SEMA6D: variants seen among roughly 807,000 people sequenced by gnomAD.
SEMA6D encodes the protein semaphorin 6D, also known as semaphorin-6D.
Under a neutral mutation model 106.6 loss-of-function variants are expected in SEMA6D, and 35 were observed. The ratio of observed to expected loss-of-function variants is 0.33; its 90% CI spans 0.25 to 0.44. The LOEUF is 0.44. Ranked by LOEUF, SEMA6D falls within the 20% of genes least tolerant of loss-of-function variation. The pLI is 1.00. For synonymous variants in SEMA6D, 499 were observed against 487.7 expected (o/e 1.02, Z -0.31); for missense variants, 1,185 against 1,345.9 (o/e 0.88, Z 1.87).
chr15:47,281,832 C>G (rs937450380), intron 1 of SEMA6D, among the ~76,000 whole-genome samples: 2 of 152,108 alleles, frequency 1.3e-5, no homozygotes, highest in South Asian at 2.1e-4. Flanking sequence ...TATGCCCATT[C>G]TTATTATTTT....
chr15:47,195,113 A>C (rs1159128446), intron 1 of SEMA6D, among the ~76,000 whole-genome samples: 1 of 151,934 alleles, frequency 6.6e-6, no homozygotes, highest in African/African-American at 2.4e-5. Flanking sequence ...AAACTTAAAA[A>C]CTTGTTTAAT....
intron 3 of SEMA6D, among the ~76,000 whole-genome samples, chr15:47,575,636 T>C (rs1224499454): frequency 2.6e-5 from 4 of 152,114 alleles, no homozygotes; most frequent in Admixed American, 1.3e-4. Context: ...GGAGAATCGC[T>C]TCAACCCGAA....
intron 2 of SEMA6D, among the ~76,000 whole-genome samples, chr15:47,417,413 ATGTGTG>A (rs34541759): frequency 1.2e-4 from 18 of 146,656 alleles, no homozygotes; most frequent in East Asian, 4.0e-4. Context: ...GTGTGTGTAT[ATGTGTG>A]TGTGTGTGTG....
chr15:47,722,538 A>T (rs1190493243), intron 1 of SEMA6D, among the ~76,000 whole-genome samples: 2 of 152,192 alleles, frequency 1.3e-5, no homozygotes, highest in Non-Finnish European at 2.9e-5. Flanking sequence ...CAAGAATAAC[A>T]TGAATTAGCT....
chr15:47,239,817 G>A (rs1358416625), intron 1 of SEMA6D, among the ~76,000 whole-genome samples: 1 of 152,178 alleles, frequency 6.6e-6, no homozygotes, highest in East Asian at 1.9e-4. Context: ...CGAGTAGTAT[G>A]TGATCAAGGA....
intron 1 of SEMA6D, among the ~76,000 whole-genome samples, chr15:47,754,641 A>T (rs1299643471): frequency 6.6e-6 from 1 of 152,126 alleles, no homozygotes; most frequent in East Asian, 1.9e-4. Flanking sequence ...AACTTCTTAG[A>T]ATTTCTTGAA....
At chr15:47,497,666 C>A (rs2043712792) in intron 3 of SEMA6D, among the ~76,000 whole-genome samples, 1 of 152,098 alleles carries the variant, frequency 6.6e-6, no homozygotes, top group Admixed American at 6.6e-5. Flanking sequence ...CTTCCCGATG[C>A]ACCTTGGCCA....
chr15:47,560,070 AC>A (rs1251126370), intron 3 of SEMA6D, among the ~76,000 whole-genome samples: 2 of 152,156 alleles, frequency 1.3e-5, no homozygotes, highest in African/African-American at 4.8e-5. Flanking sequence ...AAATTACTAA[AC>A]AAACAAAATA....
chr15:47,676,617 C>T (rs2078250854), intron 4 of SEMA6D, among the ~76,000 whole-genome samples: 1 of 152,188 alleles, frequency 6.6e-6, no homozygotes, highest in South Asian at 2.1e-4. Context: ...ATGGCTCTCA[C>T]TTGCAGCAAT....
intron 3 of SEMA6D, among the ~76,000 whole-genome samples, chr15:47,496,672 T>C (rs935273389): frequency 3.3e-5 from 5 of 152,078 alleles, no homozygotes; most frequent in Non-Finnish European, 7.4e-5. Flanking sequence ...CTCCAGTACT[T>C]GACTGTTCAT....
intron 3 of SEMA6D, among the ~76,000 whole-genome samples, chr15:47,485,699 C>A (rs2043277241): frequency 6.6e-6 from 1 of 152,154 alleles, no homozygotes; most frequent in Admixed American, 6.6e-5. Flanking sequence ...GCCTGTAACT[C>A]TCACAAGAGT....
intron 4 of SEMA6D, among the ~76,000 whole-genome samples, chr15:47,664,016 ATTC>A (rs1301288918): frequency 6.6e-6 from 1 of 152,226 alleles, no homozygotes; most frequent in Non-Finnish European, 1.5e-5. Flanking sequence ...TGAAGTAGAT[ATTC>A]TTCTTATGAA....
intron 1 of SEMA6D, chr15:47,730,735 G>T: frequency 6.2e-7 from 1 of 1,602,460 alleles, no homozygotes; most frequent in Non-Finnish European, 8.5e-7. Context: ...ATAGAGTATA[G>T]CTCTCTGCCG....
At chr15:47,401,856 C>T (rs1451363512) in intron 1 of SEMA6D, among the ~76,000 whole-genome samples, 9 of 152,148 alleles carry the variant, frequency 5.9e-5, no homozygotes, top group African/African-American at 1.7e-4. Flanking sequence ...TCATACCACC[C>T]GCAGCACATT....
At chr15:47,266,660 G>A (rs1429420842) in intron 1 of SEMA6D, among the ~76,000 whole-genome samples, 1 of 151,994 alleles carries the variant, frequency 6.6e-6, no homozygotes, top group East Asian at 1.9e-4. Flanking sequence ...TTTGCCCAGG[G>A]CTTAGCCTGA....
intron 1 of SEMA6D, among the ~76,000 whole-genome samples, chr15:47,334,087 A>G (rs1158144519): frequency 1.3e-5 from 2 of 152,152 alleles, no homozygotes; most frequent in African/African-American, 2.4e-5. Flanking sequence ...GTGGTTGTCA[A>G]TTTGCCTGTG....
intron 3 of SEMA6D, among the ~76,000 whole-genome samples, chr15:47,516,894 A>G (rs1300183621): frequency 1.3e-5 from 2 of 152,160 alleles, no homozygotes; most frequent in Non-Finnish European, 2.9e-5. Context: ...ATTTTTTTGT[A>G]AAAAGAAGAA....
At chr15:47,657,772 T>C (rs1019261748) in intron 4 of SEMA6D, among the ~76,000 whole-genome samples, 1 of 123,528 alleles carries the variant, frequency 8.1e-6, no homozygotes, top group African/African-American at 3.1e-5. Flanking sequence ...GACAGAGTCT[T>C]GCTCTGTCAC....
intron 2 of SEMA6D, among the ~76,000 whole-genome samples, chr15:47,451,965 G>A (rs1021122419): frequency 6.6e-6 from 1 of 151,926 alleles, no homozygotes; most frequent in Non-Finnish European, 1.5e-5. Flanking sequence ...ACATTGAATT[G>A]CTGTTCACTC....
Sources: gnomAD v4.1 joint callset for allele counts (sites outside exome capture counted in the v4.1 genomes callset) on GRCh38, gnomAD v4.1.1 for gene constraint, MANE v1.5 for transcripts, NCBI Gene and HGNC (gene_info 2026-07-23, HGNC 2026-07-21) for gene names.